PDE4D: variants seen among roughly 807,000 people sequenced by gnomAD.
PDE4D encodes 3',5'-cyclic-AMP phosphodiesterase 4D.
In PDE4D, 24 loss-of-function variants were observed where a neutral mutation model predicts 87.4. The observed-to-expected ratio is 0.27, with a 90% CI of 0.20 to 0.39. PDE4D has a LOEUF of 0.39. Ranked by LOEUF, PDE4D falls within the 10% of genes least tolerant of loss-of-function variation. PDE4D has a pLI of 1.00. For missense variants in PDE4D, 714 were observed against 1,041.0 expected (o/e 0.69, Z 4.32); for synonymous variants, 384 against 383.2 (o/e 1.00, Z -0.02).
At chr5:60,399,518 T>C (rs1374127653) in intron 1 of PDE4D, among the ~76,000 whole-genome samples, 1 of 152,238 alleles carries the variant, frequency 6.6e-6, no homozygotes, top group Non-Finnish European at 1.5e-5. Context: ...AGCCAGATTC[T>C]TTCTTTTTCA....
chr5:59,809,083 G>A (rs1768054520), intron 1 of PDE4D, among the ~76,000 whole-genome samples: 1 of 152,178 alleles, frequency 6.6e-6, no homozygotes, highest in Non-Finnish European at 1.5e-5. Flanking sequence ...TGTACTTTAT[G>A]GAAGTCGAAG....
At chr5:59,131,599 C>CACACAT (rs1414370887) in intron 5 of PDE4D, among the ~76,000 whole-genome samples, 1 of 23,566 alleles carries the variant, frequency 4.2e-5, no homozygotes, top group African/African-American at 1.3e-4. Context: ...CAATTTAAAA[C>CACACAT]ACACACACAC....
chr5:59,129,826 C>T (rs1014199343), intron 5 of PDE4D, among the ~76,000 whole-genome samples: 1 of 152,084 alleles, frequency 6.6e-6, no homozygotes, highest in Non-Finnish European at 1.5e-5. Flanking sequence ...TATATAATTT[C>T]AAGACATAAC....
chr5:60,375,157 T>A (rs1277597173), intron 1 of PDE4D, among the ~76,000 whole-genome samples: 2 of 152,200 alleles, frequency 1.3e-5, no homozygotes. Context: ...TTCCTCATTG[T>A]CTACATTTCC....
At chr5:60,098,286 G>T (rs1296412410) in intron 2 of PDE4D, among the ~76,000 whole-genome samples, 1 of 151,872 alleles carries the variant, frequency 6.6e-6, no homozygotes, top group African/African-American at 2.4e-5. Flanking sequence ...CAAATAGCTA[G>T]AATAGAATTA....
At chr5:59,709,973 T>C (rs1049540228) in intron 1 of PDE4D, among the ~76,000 whole-genome samples, 1 of 152,144 alleles carries the variant, frequency 6.6e-6, no homozygotes. Context: ...TTCCCTTCTG[T>C]GGGCACAGCA....
intron 3 of PDE4D, among the ~76,000 whole-genome samples, 179 bp downstream of exon 3, chr5:59,193,321 A>G (rs1744733699): frequency 6.6e-6 from 1 of 152,210 alleles, no homozygotes; most frequent in Non-Finnish European, 1.5e-5. Flanking sequence ...TAGGAAACAG[A>G]TTAATATAGC....
chr5:59,335,081 A>C (rs1458740278), intron 1 of PDE4D, among the ~76,000 whole-genome samples: 1 of 151,978 alleles, frequency 6.6e-6, no homozygotes, highest in Non-Finnish European at 1.5e-5. Flanking sequence ...TCTTCAATGC[A>C]TTTTATCTAA....
chr5:59,789,995 G>T (rs1765606359), intron 1 of PDE4D, among the ~76,000 whole-genome samples: 2 of 152,234 alleles, frequency 1.3e-5, no homozygotes, highest in Non-Finnish European at 2.9e-5. Context: ...CACTTGGTGG[G>T]AGTGTCATTG....
At chr5:59,195,452 A>G (rs1745260622) in intron 2 of PDE4D, among the ~76,000 whole-genome samples, 1 of 152,196 alleles carries the variant, frequency 6.6e-6, no homozygotes, top group African/African-American at 2.4e-5. Context: ...GCAGATACAG[A>G]GCTGCAACGA....
chr5:60,132,263 G>A (rs1294019590), intron 2 of PDE4D, among the ~76,000 whole-genome samples: 2 of 152,044 alleles, frequency 1.3e-5, no homozygotes, highest in Non-Finnish European at 2.9e-5. Flanking sequence ...TTTTAGAAAA[G>A]CATGCTTCCT....
chr5:60,176,272 T>C (rs1301533030), intron 2 of PDE4D, among the ~76,000 whole-genome samples: 2 of 152,188 alleles, frequency 1.3e-5, no homozygotes, highest in South Asian at 2.1e-4. Context: ...GATGCCATCC[T>C]CTTTCTTCTT....
chr5:59,523,705 T>A (rs1419283275), intron 1 of PDE4D, among the ~76,000 whole-genome samples: 3 of 152,256 alleles, frequency 2.0e-5, no homozygotes, highest in African/African-American at 7.2e-5. Context: ...GGTCTGGTTC[T>A]GTGTCCTCAA....
At chr5:59,587,628 A>G (rs1825360024) in intron 1 of PDE4D, 9 of 985,358 alleles carry the variant, frequency 9.1e-6, no homozygotes, top group Non-Finnish European at 1.1e-5. Flanking sequence ...TTAACTCTGC[A>G]GCAGCCTGGC....
intron 1 of PDE4D, among the ~76,000 whole-genome samples, chr5:59,804,757 T>A (rs1389986562): frequency 3.3e-5 from 5 of 152,156 alleles, no homozygotes; most frequent in Non-Finnish European, 7.4e-5. Context: ...ATAGTGATTA[T>A]TCTGGGTGTG....
Position 59,038,844 on chromosome 5 carries a change from A to G in PDE4D, c.921+15T>C. The G allele has an allele frequency of 1.3e-6, 2 of 1,502,228 alleles. No individual in the cohort carries two copies. Among genetic ancestry groups the G allele is most frequent in the Non-Finnish European group, 8.9e-7 (1 of 1,121,796 alleles). 93.1% of individuals were successfully genotyped at this position (1,502,228 alleles called of 1,614,324 possible). A position where few individuals can be genotyped will look rare whatever the true frequency, so the allele number is the denominator to read the frequency against. On this transcript the variant is annotated intron_variant, in intron 6 of 14. Transcript: ENST00000340635. ...GCAGCCTGGGGGCACCAGTGACAGC[A>G]GAACCGGGGCTTACCTTGTTGGAGG... is the stretch of plus-strand genomic sequence containing the variant.
chr5:59,863,313 C>A (rs1387962493), intron 1 of PDE4D, among the ~76,000 whole-genome samples: 1 of 152,032 alleles, frequency 6.6e-6, no homozygotes, highest in Admixed American at 6.6e-5. Flanking sequence ...AAATCAGATA[C>A]CATGATGGCC....
intron 1 of PDE4D, among the ~76,000 whole-genome samples, chr5:60,204,255 T>A (rs1742254945): frequency 6.6e-6 from 1 of 152,116 alleles, no homozygotes; most frequent in Non-Finnish European, 1.5e-5. Context: ...TATCTCTCTA[T>A]CTCTCTGTCA....
At chr5:59,857,879 G>A (rs780383556) in intron 1 of PDE4D, among the ~76,000 whole-genome samples, 11 of 140,164 alleles carry the variant, frequency 7.8e-5, no homozygotes, top group Admixed American at 4.5e-4. Context: ...GAAGGAAGGT[G>A]GGAAGGAAGG....
Sources: gnomAD v4.1 joint callset for allele counts (sites outside exome capture counted in the v4.1 genomes callset) on GRCh38, gnomAD v4.1.1 for gene constraint, MANE v1.5 for transcripts, NCBI Gene and HGNC (gene_info 2026-07-23, HGNC 2026-07-21) for gene names.